The following SETD1B variants were observed in gnomAD, a reference collection of about 807,000 sequenced individuals.
The protein encoded by SETD1B is histone-lysine N-methyltransferase SETD1B.
A neutral mutation model predicts 148.0 loss-of-function variants in SETD1B; 7 were observed. That is an observed-to-expected ratio of 0.05 (90% CI 0.03 to 0.09). The LOEUF is 0.09. SETD1B is among the 10% of genes least tolerant of loss of function. SETD1B has a pLI of 1.00. For missense variants in SETD1B, 2,155 were observed against 2,729.9 expected (o/e 0.79, Z 4.69); for synonymous variants, 1,361 against 1,186.5 (o/e 1.15, Z -3.02).
At chr12:121,793,817 T>C in the SETD1B span, 1 of 506,742 alleles carries the variant, frequency 2.0e-6, no homozygotes, top group Non-Finnish European at 3.4e-6. Flanking sequence ...TGGGTGTGGG[T>C]ATTCAGCTCT....
intron 13 of SETD1B, among the ~76,000 whole-genome samples, chr12:121,826,246 A>C (rs1876833203): frequency 7.0e-6 from 1 of 142,678 alleles, no homozygotes; most frequent in Non-Finnish European, 1.6e-5. Flanking sequence ...ATAGGAAATA[A>C]TCAAGTGAAG....
the SETD1B span, among the ~76,000 whole-genome samples, chr12:121,798,994 G>GT: frequency 1.1e-4 from 16 of 152,210 alleles, no homozygotes; most frequent in Non-Finnish European, 2.4e-4. Flanking sequence ...CTCAAAATGT[G>GT]TTCCCAGACC....
Position 121,817,950 on chromosome 12 carries a change from T to G in SETD1B, c.3418+46T>G, listed in dbSNP as rs774771161. 2.0e-6 allele frequency: 3 copies of G among 1,482,420 alleles called. No individual in the cohort carries two copies. The African/African-American group carries it at 4.2e-5, about 21-fold the overall frequency. 91.8% of individuals were successfully genotyped at this position (1,482,420 alleles called of 1,614,324 possible). ...TGCCTGGCCCTCCCGGAGTCCCTCTTTCCCCGGGGCAGAGCCTGAGCAATT... is the reference window on the plus strand; with the variant it reads ...TGCCTGGCCCTCCCGGAGTCCCTCTGTCCCCGGGGCAGAGCCTGAGCAATT... On this transcript the variant is annotated intron_variant, in intron 10 of 16. Coordinates refer to ENST00000604567, the MANE Select transcript of SETD1B (RefSeq NM_001353345.2). The surrounding 1 kb of genome is among the most constrained non-coding windows in gnomAD (Gnocchi z 8.1).
the SETD1B span, among the ~76,000 whole-genome samples, chr12:121,798,725 T>C: frequency 3.8e-4 from 58 of 152,180 alleles, no homozygotes; most frequent in African/African-American, 1.3e-3. Context: ...AAGTCCCAAA[T>C]AGGGGAGGTG....
the SETD1B span, chr12:121,793,816 G>T: frequency 7.8e-6 from 4 of 510,730 alleles, no homozygotes; most frequent in Admixed American, 1.7e-4. Context: ...CTGGGTGTGG[G>T]TATTCAGCTC....
intron 13 of SETD1B, 58 bp from the exon 14 acceptor site, chr12:121,827,461 G>T: frequency 2.7e-6 from 4 of 1,477,708 alleles, no homozygotes; most frequent in Non-Finnish European, 2.7e-6. Context: ...CAGAGCCTAG[G>T]GTGGGACCGC....
the SETD1B span, chr12:121,794,477 G>A: frequency 1.3e-5 from 2 of 152,298 alleles, no homozygotes; most frequent in African/African-American, 4.8e-5. Context: ...GGTTGGAGTA[G>A]CTCTAGTTGA....
chr12:121,822,821 C>T lies in SETD1B; in HGVS notation c.4242C>T (p.Ser1414=), dbSNP rs1357486568. Reference sequence around the variant, plus strand: ...GCCCCTTCTCCTACCCAGCCCCGTCCCCTAGCTTGAGCAGTGGGGGCCTCC... The same window carrying T: ...GCCCCTTCTCCTACCCAGCCCCGTCTCCTAGCTTGAGCAGTGGGGGCCTCC... ...PGSPFSYPAP[S]PSLSSGGLPR... is the part of the protein sequence containing the mutation. The change falls in exon 12 of 17, where the codon TCC becomes TCT. Residue 1414 remains serine (S), a synonymous_variant. Coordinates refer to ENST00000604567, the MANE Select transcript of SETD1B (RefSeq NM_001353345.2). 3.3e-6 allele frequency: 5 copies of T among 1,500,804 alleles called. No homozygotes were observed. Among genetic ancestry groups the T allele is most frequent in the Non-Finnish European group, 4.5e-6 (5 of 1,119,002 alleles). 93.0% of individuals were successfully genotyped at this position (1,500,804 alleles called of 1,614,324 possible).
the SETD1B span, among the ~76,000 whole-genome samples, chr12:121,790,606 A>G: frequency 2.6e-5 from 4 of 152,194 alleles, no homozygotes; most frequent in Non-Finnish European, 4.4e-5. Context: ...CCTATGAGCA[A>G]GCCTTCCCTG....
upstream of SETD1B, chr12:121,799,722 G>GGGGGGGGTT (rs1566540686): frequency 8.1e-6 from 1 of 123,006 alleles, no homozygotes; most frequent in Non-Finnish European, 1.8e-5. Flanking sequence ...GCAGCTGGGG[G>GGGGGGGGTT]GGGGGGGGTG....
the SETD1B span, chr12:121,793,337 G>A: frequency 1.4e-6 from 2 of 1,434,384 alleles, no homozygotes; most frequent in East Asian, 2.5e-5. Flanking sequence ...TCCCGGATCA[G>A]CCCCCCCTCA....
chr12:121,803,239 C>T (rs973501858), upstream of SETD1B: 1 of 152,220 alleles, frequency 6.6e-6, no homozygotes, highest in Non-Finnish European at 1.5e-5. This position sits in a 1 kb window ranked among gnomAD's most constrained non-coding sequence, Gnocchi z 4.7. Context: ...TGGCCGCCGC[C>T]ACTCCCGGAC....
rs558212175 is a variant in SETD1B, at chr12:121,817,329, G to T, written c.2977+35G>T. On this transcript the variant is annotated intron_variant, in intron 8 of 16. Coordinates refer to ENST00000604567, the MANE Select transcript of SETD1B (RefSeq NM_001353345.2). This position sits in a 1 kb window ranked among gnomAD's most constrained non-coding sequence, Gnocchi z 8.1. ...CTGGGTGCTGGGGTCCCCTTCTTCC[G>T]CATCCCCCCAGCCCAGCTCTGACTC... The T allele has an allele frequency of 1.3e-6, 2 of 1,540,244 alleles. No homozygotes were observed. The highest frequency in any genetic ancestry group is 2.7e-5 in the African/African-American group (2 of 72,870).
chr12:121,830,523 G>A lies in SETD1B; in HGVS notation c.*284G>A, dbSNP rs551306750. 8.0e-5 allele frequency: 27 copies of A among 337,112 alleles called. No homozygotes were observed. Among genetic ancestry groups the A allele is most frequent in the Middle Eastern group, 8.3e-4 (1 of 1,202 alleles). The allele number at this position is 337,112 out of a possible 1,614,324, so 20.9% of individuals were successfully genotyped here. ...CTCCAGCATCAGCTTCTCTCTCTCC[G>A]TCTCTCCTCCCCTCTCTCTCTTCTC... On this transcript the variant is annotated 3_prime_UTR_variant, in exon 17 of 17. Transcript: ENST00000604567. This position sits in a 1 kb window ranked among gnomAD's most constrained non-coding sequence, Gnocchi z 5.7.
intron 13 of SETD1B, among the ~76,000 whole-genome samples, chr12:121,825,856 G>GA (rs1229176097): frequency 6.6e-6 from 1 of 152,056 alleles, no homozygotes; most frequent in Non-Finnish European, 1.5e-5. Context: ...ATGTTGGCCA[G>GA]GTTGGTCTCG....
intron 6 of SETD1B, among the ~76,000 whole-genome samples, chr12:121,811,273 T>C (rs1452378219): frequency 1.3e-5 from 2 of 151,882 alleles, no homozygotes; most frequent in East Asian, 1.9e-4. Flanking sequence ...AGGAGAGAGA[T>C]TGGCCAGAAT....
At chr12:121,829,448 G>A (rs1027239166) in intron 16 of SETD1B, among the ~76,000 whole-genome samples, 8 of 152,208 alleles carry the variant, frequency 5.3e-5, no homozygotes, top group Non-Finnish European at 1.0e-4. Context: ...CTGGGTGTGT[G>A]GTGCAGCGGC....
At chr12:121,828,759 T>C (rs546235419) in intron 16 of SETD1B, among the ~76,000 whole-genome samples, 22 of 152,348 alleles carry the variant, frequency 1.4e-4, no homozygotes, top group African/African-American at 4.8e-4. Flanking sequence ...TAATGTCTCT[T>C]ATGCCTGAGT....
chr12:121,815,305 A>G (rs1028725239), intron 7 of SETD1B, among the ~76,000 whole-genome samples: 1 of 152,156 alleles, frequency 6.6e-6, no homozygotes, highest in Non-Finnish European at 1.5e-5. Flanking sequence ...AAAACAGAGT[A>G]AAATTAAAAC....
Sources: allele counts gnomAD v4.1 joint callset (sites outside exome capture counted in the v4.1 genomes callset), GRCh38; gene constraint gnomAD v4.1.1; non-coding constraint Gnocchi (gnomAD v3.1); transcripts MANE v1.5; gene names NCBI Gene and HGNC (gene_info 2026-07-23, HGNC 2026-07-21).